SPATA17: variants seen among roughly 807,000 people sequenced by gnomAD.
SPATA17 encodes the protein spermatogenesis-associated protein 17.
A neutral mutation model predicts 62.2 loss-of-function variants in SPATA17; 53 were observed. The observed-to-expected ratio is 0.85, with a 90% CI of 0.68 to 1.07. The LOEUF (loss-of-function observed/expected upper bound fraction) is 1.07. Among genes scored for constraint, SPATA17 ranks in the 50% least tolerant of loss-of-function variants. The pLI, the probability that SPATA17 is intolerant of heterozygous loss-of-function variation, is 0.00. For synonymous variants in SPATA17, 146 were observed against 146.8 expected, an observed-to-expected ratio of 0.99 and a Z score of 0.04; for missense variants, 466 against 425.5, an observed-to-expected ratio of 1.10 and a Z score of -0.84.
intron 3 of SPATA17, among the ~76,000 whole-genome samples, chr1:217,652,757 A>G (rs778055107): frequency 3.3e-5 from 5 of 152,164 alleles, no homozygotes; most frequent in Admixed American, 6.6e-5. Flanking sequence ...TGAGTCTTCT[A>G]CCTACCTTTT....
chr1:217,782,341 A>C lies in SPATA17; in HGVS notation c.872+19A>C. Reference sequence around the variant, plus strand: ...ACAATATGTGAGTTCTTAGCTTAACAAAAATAGCTGTGACATATTTGGTGC... The same window carrying C: ...ACAATATGTGAGTTCTTAGCTTAACCAAAATAGCTGTGACATATTTGGTGC... On this transcript the variant is annotated intron_variant, in intron 8 of 10. Coordinates refer to ENST00000366933, the MANE Select transcript of SPATA17 (RefSeq NM_138796.4). 6.4e-7 allele frequency: 1 copy of C among 1,574,656 alleles called. No homozygotes were observed. The highest frequency in any genetic ancestry group is 8.6e-7 in the Non-Finnish European group (1 of 1,163,236).
In SPATA17 at chr1:217,865,613, C is replaced by T. The variant is rs572762853; in HGVS notation, c.*3-1409C>T. ...TTTGGTCTAAATCAGTGTGTTGTGT[C>T]CTGTCAAGAGTGTTTTGCCATCCTT... is the stretch of plus-strand genomic sequence containing the variant. On this transcript the variant is annotated intron_variant, in intron 10 of 10. Coordinates refer to ENST00000366933, the MANE Select transcript of SPATA17 (RefSeq NM_138796.4). Among the ~76,000 whole-genome samples the T allele has an allele frequency of 5.3e-5, 8 of 152,266 alleles. 1 individual carries two copies. The South Asian group carries it at 1.0e-3, about 20-fold the overall frequency.
At chr1:217,702,949 T>C (rs1374621670) in intron 5 of SPATA17, among the ~76,000 whole-genome samples, 1 of 151,878 alleles carries the variant, frequency 6.6e-6, no homozygotes, top group East Asian at 1.9e-4. Context: ...ACATCTCGGC[T>C]CACTACAACT....
intron 3 of SPATA17, among the ~76,000 whole-genome samples, chr1:217,658,304 G>C (rs983702032): frequency 1.4e-4 from 21 of 152,292 alleles, no homozygotes; most frequent in Admixed American, 3.9e-4. Flanking sequence ...ATTGTTTAAA[G>C]GAGTCTGGCA....
At chr1:217,641,456 G>A (rs563430478) in intron 1 of SPATA17, among the ~76,000 whole-genome samples, 6 of 151,938 alleles carry the variant, frequency 3.9e-5, no homozygotes, top group Non-Finnish European at 8.8e-5. Context: ...AAAGATGACA[G>A]AATAATCAAG....
chr1:217,769,512 G>C (rs887372231), intron 6 of SPATA17, among the ~76,000 whole-genome samples: 2 of 152,220 alleles, frequency 1.3e-5, no homozygotes, highest in Admixed American at 1.3e-4. Context: ...TGCCCCTTTT[G>C]ATGGTGTTCT....
chr1:217,834,078 G>A (rs1225142626), intron 9 of SPATA17, among the ~76,000 whole-genome samples: 4 of 152,224 alleles, frequency 2.6e-5, no homozygotes, highest in African/African-American at 9.6e-5. Context: ...GCAAATACAA[G>A]GGCAGTCCCA....
chr1:217,798,339 C>T (rs1674208206), intron 8 of SPATA17, among the ~76,000 whole-genome samples: 1 of 152,024 alleles, frequency 6.6e-6, no homozygotes, highest in African/African-American at 2.4e-5. Context: ...ATTTTCTTGT[C>T]TGTAAAGGAT....
chr1:217,675,537 AC>A (rs1483057618), intron 4 of SPATA17, among the ~76,000 whole-genome samples: 1 of 152,142 alleles, frequency 6.6e-6, no homozygotes, highest in African/African-American at 2.4e-5. Flanking sequence ...TTTTTGAAAA[AC>A]AAAATGGATC....
chr1:217,824,313 C>A (rs1674936215), intron 9 of SPATA17, among the ~76,000 whole-genome samples: 1 of 151,630 alleles, frequency 6.6e-6, no homozygotes, highest in Non-Finnish European at 1.5e-5. Flanking sequence ...TAACTCTGTT[C>A]TTTTATATAT....
intron 8 of SPATA17, among the ~76,000 whole-genome samples, chr1:217,790,881 A>G (rs1193915626): frequency 1.3e-5 from 2 of 152,224 alleles, no homozygotes; most frequent in African/African-American, 4.8e-5. Context: ...TACACGGGTA[A>G]GCACTGGTTC....
intron 7 of SPATA17, among the ~76,000 whole-genome samples, chr1:217,778,105 T>A (rs1400803988): frequency 1.3e-5 from 2 of 152,252 alleles, no homozygotes; most frequent in Admixed American, 6.5e-5. Flanking sequence ...ATCAAGAAAA[T>A]AATAACTCCA....
intron 7 of SPATA17, among the ~76,000 whole-genome samples, chr1:217,780,640 G>C (rs2102975855): frequency 6.6e-6 from 1 of 152,072 alleles, no homozygotes; most frequent in South Asian, 2.1e-4. Flanking sequence ...CAAAGTCATA[G>C]CCTTGGGCCA....
At chr1:217,818,284 C>T (rs1013414726) in intron 9 of SPATA17, among the ~76,000 whole-genome samples, 25 of 151,972 alleles carry the variant, frequency 1.6e-4, no homozygotes, top group African/African-American at 6.0e-4. Flanking sequence ...TACGGGAATG[C>T]TCTGACTAAT....
chr1:217,827,148 T>C (rs1468782554), intron 9 of SPATA17, among the ~76,000 whole-genome samples: 3 of 152,034 alleles, frequency 2.0e-5, no homozygotes, highest in Non-Finnish European at 2.9e-5. Context: ...AAAACTGATA[T>C]TTAAAAGATT....
chr1:217,643,703 A>ACT (rs150236538), intron 1 of SPATA17, among the ~76,000 whole-genome samples: 3,252 of 147,354 alleles, frequency 0.022, 35 homozygotes, highest in African/African-American at 0.029. Flanking sequence ...AGAAAAAGAA[A>ACT]CTCTCTCTCT....
At chr1:217,757,656 A>C (rs908228250) in intron 6 of SPATA17, among the ~76,000 whole-genome samples, 4 of 152,184 alleles carry the variant, frequency 2.6e-5, no homozygotes, top group Non-Finnish European at 5.9e-5. Flanking sequence ...AAGCAAGGTT[A>C]GAGGAGAGTT....
intron 3 of SPATA17, among the ~76,000 whole-genome samples, chr1:217,655,374 G>T (rs1008052037): frequency 2.0e-5 from 3 of 152,112 alleles, no homozygotes; most frequent in Non-Finnish European, 4.4e-5. Flanking sequence ...ATCATATTAT[G>T]ATGCATATGT....
At chr1:217,714,034 A>G (rs1671937837) in intron 5 of SPATA17, among the ~76,000 whole-genome samples, 1 of 152,176 alleles carries the variant, frequency 6.6e-6, no homozygotes, top group Admixed American at 6.5e-5. Context: ...AATCACAAAG[A>G]CATGGCCCAG....
Sources: allele counts gnomAD v4.1 joint callset (sites outside exome capture counted in the v4.1 genomes callset), GRCh38; gene constraint gnomAD v4.1.1; transcripts MANE v1.5; gene names NCBI Gene and HGNC (gene_info 2026-07-23, HGNC 2026-07-21).